The following KIAA1217 variants were observed in gnomAD, a reference collection of about 807,000 sequenced individuals.
The protein encoded by KIAA1217 is sickle tail protein homolog.
In KIAA1217, 88 loss-of-function variants were observed where a neutral mutation model predicts 163.9. The observed-to-expected ratio is 0.54, with a 90% CI of 0.45 to 0.64. KIAA1217 has a LOEUF of 0.64. KIAA1217 is among the 30% of genes least tolerant of loss of function. KIAA1217 has a pLI of 0.00. For synonymous variants in KIAA1217, 903 were observed against 923.1 expected, an observed-to-expected ratio of 0.98 and a Z score of 0.39; for missense variants, 2,372 against 2,475.0, an observed-to-expected ratio of 0.96 and a Z score of 0.88.
chr10:23,714,872 C>G (rs1039737318), intron 1 of KIAA1217, among the ~76,000 whole-genome samples: 1 of 152,036 alleles, frequency 6.6e-6, no homozygotes, highest in Non-Finnish European at 1.5e-5. Context: ...CTCACCATTA[C>G]CCCAAGACCC....
chr10:24,466,552 C>G (rs1403717881), intron 5 of KIAA1217: 2 of 984,916 alleles, frequency 2.0e-6, no homozygotes, highest in Non-Finnish European at 2.4e-6. Flanking sequence ...AGCTTCTCTC[C>G]GAAAACTGGG....
intron 1 of KIAA1217, among the ~76,000 whole-genome samples, chr10:23,795,673 A>G (rs1237963731): frequency 1.3e-5 from 2 of 152,146 alleles, no homozygotes; most frequent in Non-Finnish European, 2.9e-5. Context: ...AGCAGAAGGA[A>G]GTTCTCAGGT....
intron 2 of KIAA1217, among the ~76,000 whole-genome samples, chr10:24,028,932 G>A (rs907641545): frequency 1.3e-5 from 2 of 152,112 alleles, no homozygotes; most frequent in Admixed American, 1.3e-4. Context: ...AAATATCCCT[G>A]GACAATTCTT....
chr10:23,791,225 G>C (rs1835935529), intron 1 of KIAA1217, among the ~76,000 whole-genome samples: 1 of 152,058 alleles, frequency 6.6e-6, no homozygotes. Context: ...TTTGAATTCT[G>C]TTTTAAAAAA....
In KIAA1217 at chr10:23,695,274, C is replaced by T. The variant is rs1256138538; in HGVS notation, c.-321+40C>T. On this transcript the variant is annotated intron_variant, in intron 1 of 18. Coordinates refer to the KIAA1217 transcript ENST00000376462. This position sits in a 1 kb window ranked among gnomAD's most constrained non-coding sequence, Gnocchi z 4.9. ...AGTTTGCGTCGGTTGCCCCGCCGCTCCCCCAGCGCGAGTGGGAGGCACATC... is the reference window on the plus strand; with the variant it reads ...AGTTTGCGTCGGTTGCCCCGCCGCTTCCCCAGCGCGAGTGGGAGGCACATC... 1 of 152,320 alleles carries T rather than the reference C, an allele frequency of 6.6e-6. No homozygotes were observed. Among genetic ancestry groups the T allele is most frequent in the African/African-American group, 2.4e-5 (1 of 41,464 alleles). The allele number at this position is 152,320 out of a possible 1,614,324, so 9.4% of individuals were successfully genotyped here. A position where few individuals can be genotyped will look rare whatever the true frequency, so the allele number is the denominator to read the frequency against.
intron 1 of KIAA1217, among the ~76,000 whole-genome samples, chr10:23,970,036 T>C (rs1210683663): frequency 6.6e-6 from 1 of 152,202 alleles, no homozygotes; most frequent in Non-Finnish European, 1.5e-5. Context: ...TGGGGGAAAC[T>C]GCCCCCGTGA....
intron 1 of KIAA1217, among the ~76,000 whole-genome samples, chr10:23,751,560 A>G (rs1189957695): frequency 4.6e-5 from 7 of 151,894 alleles, no homozygotes; most frequent in Admixed American, 2.6e-4. Context: ...CATTTCTCCA[A>G]CTCTTCCCTA....
Position 24,506,545 on chromosome 10 carries a change from T to C in KIAA1217, c.2001+5000T>C, listed in dbSNP as rs956855419. On this transcript the variant is annotated intron_variant, in intron 9 of 20. Transcript: ENST00000376454. ...TATAAAAATGGCAAAGCATTTTCAA[T>C]AAATTATCTTTCTAGCTATGAGGAA... is the stretch of plus-strand genomic sequence containing the variant. Among the ~76,000 whole-genome samples, 8 of 152,240 alleles carry C rather than the reference T, an allele frequency of 5.3e-5. 1 individual carries two copies. The highest frequency in any genetic ancestry group is 1.9e-4 in the African/African-American group (8 of 41,474).
At chr10:23,903,856 T>A (rs1842046579) in intron 1 of KIAA1217, among the ~76,000 whole-genome samples, 1 of 152,106 alleles carries the variant, frequency 6.6e-6, no homozygotes, top group Non-Finnish European at 1.5e-5. Context: ...TAGCTTCCCT[T>A]ATATTAAATG....
At chr10:24,285,990 A>G (rs930795998) in intron 2 of KIAA1217, among the ~76,000 whole-genome samples, 1 of 152,110 alleles carries the variant, frequency 6.6e-6, no homozygotes, top group African/African-American at 2.4e-5. Context: ...ATGAAATAGC[A>G]TTCTTCATTT....
intron 2 of KIAA1217, among the ~76,000 whole-genome samples, chr10:24,258,656 G>A (rs919742348): frequency 2.0e-5 from 3 of 150,930 alleles, no homozygotes; most frequent in Non-Finnish European, 4.4e-5. Flanking sequence ...GCAGTGGCGC[G>A]ATCTCGGCTC....
intron 9 of KIAA1217, among the ~76,000 whole-genome samples, chr10:24,505,624 C>G (rs1278097303): frequency 2.0e-5 from 3 of 151,840 alleles, no homozygotes; most frequent in Admixed American, 6.6e-5. Context: ...TCTGTGGAGG[C>G]CAGATAGGCT....
intron 1 of KIAA1217, among the ~76,000 whole-genome samples, chr10:23,983,317 C>T (rs981860721): frequency 6.6e-6 from 1 of 152,090 alleles, no homozygotes; most frequent in Non-Finnish European, 1.5e-5. Context: ...CAAGGAAATA[C>T]CTTAGACTTG....
intron 2 of KIAA1217, among the ~76,000 whole-genome samples, chr10:24,291,281 C>T (rs1478510954): frequency 6.6e-6 from 1 of 152,192 alleles, no homozygotes; most frequent in African/African-American, 2.4e-5. Context: ...GTAGTCCCAG[C>T]ACTTTGAGAG....
At chr10:23,779,055 T>G (rs1835134389) in intron 1 of KIAA1217, among the ~76,000 whole-genome samples, 1 of 152,202 alleles carries the variant, frequency 6.6e-6, no homozygotes, top group African/African-American at 2.4e-5. Context: ...GTAGAAGACA[T>G]TTTCATTCAA....
At chr10:24,328,769 T>G (rs1397311811) in intron 2 of KIAA1217, among the ~76,000 whole-genome samples, 1 of 151,956 alleles carries the variant, frequency 6.6e-6, no homozygotes, top group Non-Finnish European at 1.5e-5. Context: ...TAGCTTGTCT[T>G]AGTTTGATTC....
At chr10:24,189,250 G>A (rs1355706094) in intron 2 of KIAA1217, among the ~76,000 whole-genome samples, 2 of 152,098 alleles carry the variant, frequency 1.3e-5, no homozygotes, top group Non-Finnish European at 2.9e-5. Context: ...CTGACATAAA[G>A]TGTACACTCA....
chr10:24,515,554 G>A (rs956449950), intron 10 of KIAA1217, among the ~76,000 whole-genome samples: 111 of 152,254 alleles, frequency 7.3e-4, no homozygotes, highest in African/African-American at 2.4e-3. Context: ...TTTGTGGGAA[G>A]GCCACAGATG....
chr10:23,785,422 T>C lies in KIAA1217; in HGVS notation c.-321+90188T>C, dbSNP rs79575514. On this transcript the variant is annotated intron_variant, in intron 1 of 18. Transcript: ENST00000376462. ...CTGTTATGGGACTTGACATAGAGTT[T>C]TATAATTAGGAACATGCTTGAGTCC... is the stretch of plus-strand genomic sequence containing the variant. Among the ~76,000 whole-genome samples the C allele has an allele frequency of 4.7e-3, 722 of 152,272 alleles. 2 individuals carry two copies. The highest frequency in any genetic ancestry group is 0.017 in the African/African-American group (697 of 41,552).
Sources: allele counts gnomAD v4.1 joint callset (sites outside exome capture counted in the v4.1 genomes callset), GRCh38; gene constraint gnomAD v4.1.1; non-coding constraint Gnocchi (gnomAD v3.1); transcripts MANE v1.5; gene names NCBI Gene and HGNC (gene_info 2026-07-23, HGNC 2026-07-21).